Variants in GYS2 observed in about 807,000 individuals in gnomAD.
GYS2 encodes the protein glycogen synthase 2.
Under a neutral mutation model 85.6 loss-of-function variants are expected in GYS2, and 80 were observed. The observed-to-expected ratio is 0.93, with a 90% CI of 0.78 to 1.13. GYS2 has a LOEUF of 1.13. Ranked by LOEUF, GYS2 falls within the 50% of genes most tolerant of loss-of-function variation. The pLI is 0.00. For missense variants in GYS2, 881 were observed against 854.9 expected, an observed-to-expected ratio of 1.03 and a Z score of -0.38; for synonymous variants, 328 against 300.7, an observed-to-expected ratio of 1.09 and a Z score of -0.94.
chr12:21,574,459 G>A, intron 3 of GYS2, 133 bp from the exon 4 acceptor site: 1 of 691,204 alleles, frequency 1.4e-6, no homozygotes, highest in Non-Finnish European at 2.6e-6. Context: ...CATAAAGCAT[G>A]AATATTTAGC....
intron 11 of GYS2, among the ~76,000 whole-genome samples, chr12:21,557,000 A>G (rs182864446): frequency 6.6e-6 from 1 of 152,352 alleles, no homozygotes; most frequent in Admixed American, 6.5e-5. Context: ...CAAGTTTCCT[A>G]AGAATGTGGG....
intron 1 of GYS2, among the ~76,000 whole-genome samples, chr12:21,602,695 CA>C (rs937344864): frequency 2.7e-5 from 4 of 150,498 alleles, no homozygotes; most frequent in Non-Finnish European, 4.4e-5. Flanking sequence ...CAAATTTTTT[CA>C]AAAAAAAATC....
intron 2 of GYS2, 46 bp downstream of exon 2, chr12:21,580,296 C>T: frequency 3.3e-6 from 5 of 1,521,344 alleles, no homozygotes; most frequent in Non-Finnish European, 2.7e-6. Context: ...GTCTTTTTTC[C>T]CATAAGTTTA....
intron 7 of GYS2, among the ~76,000 whole-genome samples, chr12:21,561,975 T>C (rs1944258699): frequency 6.6e-6 from 1 of 152,224 alleles, no homozygotes; most frequent in African/African-American, 2.4e-5. Flanking sequence ...ATTGAAATTC[T>C]ACACTCTTCT....
chr12:21,546,786 A>G (rs967386545), intron 11 of GYS2, among the ~76,000 whole-genome samples: 2 of 152,150 alleles, frequency 1.3e-5, no homozygotes, highest in African/African-American at 4.8e-5. Flanking sequence ...TTTGACATGC[A>G]ATAAACCTTA....
rs1439095299 is a variant in GYS2, at chr12:21,539,316, A to C, written c.1832T>G (p.Leu611Arg). The part of the protein sequence containing the change: ...LGRYYQHARH[L>R]TLSRAFPDKF... The stretch of plus-strand genomic sequence containing the variant: ...ATCTGGAAAAGCTCTGCTTAATGTC[A>C]GGTGTCTGGCATGCTGGTAATACTA... Residue 611 changes from leucine (L) to arginine (R), a missense_variant, in exon 15 of 16, where the codon CTG becomes CGG. Coordinates refer to ENST00000261195, the MANE Select transcript of GYS2 (RefSeq NM_021957.4). The C allele has an allele frequency of 6.2e-7, 1 of 1,604,074 alleles. No individual in the cohort carries two copies. Among genetic ancestry groups the C allele is most frequent in the East Asian group, 2.2e-5 (1 of 44,802 alleles).
rs776573389 is a variant in GYS2 at position 21,604,575 on chromosome 12, G to T, written c.18C>A (p.Ser6=). 1 of 1,612,348 alleles carries T rather than the reference G, an allele frequency of 6.2e-7. No homozygotes were observed. The highest frequency in any genetic ancestry group is 8.5e-7 in the Non-Finnish European group (1 of 1,178,648). The stretch of plus-strand genomic sequence containing the variant: ...GCCCACCCAGGGATGTTACAGAGAG[G>T]GATCGGCCTCGAAGCATTCTTCTTA... The part of the protein sequence containing the change: MLRGR[S]LSVTSLGGLP... Residue 6 remains serine, a synonymous_variant, in exon 1 of 16, where the codon TCC becomes TCA. Coordinates refer to ENST00000261195, the MANE Select transcript of GYS2 (RefSeq NM_021957.4).
intron 5 of GYS2, among the ~76,000 whole-genome samples, chr12:21,564,358 G>A (rs1944292356): frequency 6.6e-6 from 1 of 152,198 alleles, no homozygotes; most frequent in Non-Finnish European, 1.5e-5. Flanking sequence ...TTCAACCCAG[G>A]AGGTGGAGGT....
At chr12:21,554,608 A>G (rs981942153) in intron 11 of GYS2, among the ~76,000 whole-genome samples, 2 of 152,212 alleles carry the variant, frequency 1.3e-5, no homozygotes, top group Non-Finnish European at 2.9e-5. Flanking sequence ...ACTATAGCAG[A>G]TATAAAGTGT....
intron 1 of GYS2, among the ~76,000 whole-genome samples, chr12:21,596,444 C>A (rs1005507672): frequency 2.0e-5 from 3 of 151,976 alleles, no homozygotes; most frequent in African/African-American, 4.8e-5. Context: ...GTTGGTTTGA[C>A]ATCTGCAAGT....
chr12:21,567,738 T>C (rs751359757), intron 5 of GYS2, among the ~76,000 whole-genome samples: 17 of 152,116 alleles, frequency 1.1e-4, no homozygotes, highest in Non-Finnish European at 2.2e-4. Flanking sequence ...CCGGAGTGTC[T>C]CATGGCAAAT....
Position 21,560,398 on chromosome 12 carries a change from C to A in GYS2, c.1157G>T (p.Arg386Leu), listed in dbSNP as rs751135925. The stretch of plus-strand genomic sequence containing the variant: ...GTTGTGAGATTACCACAGCTGTTTT[C>A]GCACTGCTTGTCCTTTCAGGGTTTC... ...NVETLKGQAVRKQLWDVAHSV... is the reference protein window; with the variant it reads ...NVETLKGQAVLKQLWDVAHSV... Residue 386 changes from arginine (R) to leucine (L), a missense_variant, in exon 8 of 16, where the codon CGA becomes CTA. Physicochemically the swap from Arg to Leu is moderately radical, Grantham distance 102. Coordinates refer to ENST00000261195, the MANE Select transcript of GYS2 (RefSeq NM_021957.4). 2 of 1,588,830 alleles carry A rather than the reference C, an allele frequency of 1.3e-6. No homozygotes were observed. The highest frequency in any genetic ancestry group is 2.2e-5 in the South Asian group (2 of 90,556).
chr12:21,563,424 C>G (rs1944279995), intron 5 of GYS2, 79 bp from the exon 6 acceptor site: 1 of 801,606 alleles, frequency 1.2e-6, no homozygotes, highest in Non-Finnish European at 2.2e-6. Flanking sequence ...ATCTTTAAAA[C>G]TATAAAGTTA....
At chr12:21,584,634 C>T (rs1944552668) in intron 1 of GYS2, among the ~76,000 whole-genome samples, 1 of 152,204 alleles carries the variant, frequency 6.6e-6, no homozygotes, top group Non-Finnish European at 1.5e-5. Context: ...TGATATGGCA[C>T]CATTCCTCGG....
chr12:21,572,488 G>C (rs1181194666), intron 4 of GYS2, among the ~76,000 whole-genome samples: 2 of 152,086 alleles, frequency 1.3e-5, no homozygotes, highest in Admixed American at 6.5e-5. Context: ...TCTAAATTTA[G>C]TGTGAGCATG....
chr12:21,558,913 C>A (rs1478759403), intron 10 of GYS2, among the ~76,000 whole-genome samples, 178 bp downstream of exon 10: 1 of 151,974 alleles, frequency 6.6e-6, no homozygotes, highest in East Asian at 1.9e-4. Flanking sequence ...TTTAAAGGAG[C>A]TCTTAAAACC....
intron 8 of GYS2, 28 bp downstream of exon 8, chr12:21,560,358 A>C: frequency 8.8e-7 from 1 of 1,139,454 alleles, no homozygotes; most frequent in Non-Finnish European, 1.3e-6. Context: ...ATTTATTGCT[A>C]GAGAACATTC....
At chr12:21,563,085 G>A (rs759392233) in intron 6 of GYS2, 47 bp from the exon 7 acceptor site, 1 of 1,381,622 alleles carries the variant, frequency 7.2e-7, no homozygotes, top group Non-Finnish European at 1.0e-6. Flanking sequence ...TACAGCAACA[G>A]TAACAAAATG....
rs750890515 is a variant in GYS2, at chr12:21,542,563, A to C, written c.1578T>G (p.Ser526Arg). ...PAECTVMGIP[S>R]VTTNLSGFGC... is the part of the protein sequence containing the mutation. ...CAAACCCGGAGAGATTCGTGGTCAC[A>C]CTGGGGATACCCATCACAGTGCATT... Residue 526 changes from serine (S) to arginine (R), a missense_variant, in exon 13 of 16, where the codon AGT becomes AGG. By Grantham distance (110) the Ser-to-Arg change is moderately radical (BLOSUM62 -1). Transcript: ENST00000261195. 6.2e-7 allele frequency: 1 copy of C among 1,613,462 alleles called. No individual in the cohort carries two copies. Among genetic ancestry groups the C allele is most frequent in the Non-Finnish European group, 8.5e-7 (1 of 1,179,498 alleles).
Sources: gnomAD v4.1 joint callset for allele counts (sites outside exome capture counted in the v4.1 genomes callset) on GRCh38, gnomAD v4.1.1 for gene constraint, MANE v1.5 for transcripts, NCBI Gene and HGNC (gene_info 2026-07-23, HGNC 2026-07-21) for gene names.